The following AKT3 variants were observed in gnomAD, a reference collection of about 807,000 sequenced individuals.
AKT3 encodes AKT serine/threonine kinase 3.
A neutral mutation model predicts 65.3 loss-of-function variants in AKT3; 15 were observed. That is an observed-to-expected ratio of 0.23 (90% CI 0.15 to 0.35). AKT3 has a LOEUF of 0.35. Ranked by LOEUF, AKT3 falls within the 10% of genes least tolerant of loss-of-function variation. The probability of loss-of-function intolerance (pLI) is 1.00; values close to 1 mark genes in which losing one functional copy is unlikely to be tolerated. For synonymous variants in AKT3, 206 were observed against 183.8 expected (o/e 1.12, Z -0.98); for missense variants, 243 against 576.5 (o/e 0.42, Z 5.92).
intron 12 of AKT3, among the ~76,000 whole-genome samples, chr1:243,533,643 G>A (rs1216621620): frequency 2.0e-5 from 3 of 152,178 alleles, no homozygotes; most frequent in Non-Finnish European, 2.9e-5. Flanking sequence ...AGAGAAGGCA[G>A]AATAAAAATG....
chr1:243,506,112 C>T (rs928556264), intron 13 of AKT3, among the ~76,000 whole-genome samples: 10 of 152,236 alleles, frequency 6.6e-5, no homozygotes, highest in Non-Finnish European at 1.2e-4. Context: ...TATGTGGCCA[C>T]GTGGTCAGCC....
intron 13 of AKT3, among the ~76,000 whole-genome samples, chr1:243,508,768 C>T (rs898358844): frequency 9.3e-5 from 14 of 149,948 alleles, no homozygotes; most frequent in Admixed American, 1.3e-4. Flanking sequence ...CGGGTTCAAG[C>T]GATCCTCCTG....
intron 8 of AKT3, among the ~76,000 whole-genome samples, chr1:243,611,127 C>T (rs896585792): frequency 2.6e-5 from 4 of 152,084 alleles, no homozygotes; most frequent in Non-Finnish European, 5.9e-5. Context: ...TCATTTCCAC[C>T]CCCATAACTT....
chr1:243,792,918 C>T (rs1184916524), intron 2 of AKT3, among the ~76,000 whole-genome samples: 1 of 152,154 alleles, frequency 6.6e-6, no homozygotes, highest in Non-Finnish European at 1.5e-5. Context: ...CTCAACACCC[C>T]GTATAAACCC....
Position 243,504,374 on chromosome 1 carries a change from C to A in AKT3, c.*875G>T. On this transcript the variant is annotated 3_prime_UTR_variant, in exon 14 of 14. Coordinates refer to ENST00000673466, the MANE Select transcript of AKT3 (RefSeq NM_005465.7). ...TTGGTGTAGAAATTTTGGTGAAAAG[C>A]AGTATCATTATACCTGTCTACATTC... 5.0e-6 allele frequency: 1 copy of A among 198,466 alleles called. No homozygotes were observed. The highest frequency in any genetic ancestry group is 1.9e-4 in the South Asian group (1 of 5,206). The allele number at this position is 198,466 out of a possible 1,614,324, so 12.3% of individuals were successfully genotyped here.
intron 1 of AKT3, among the ~76,000 whole-genome samples, chr1:243,844,087 A>C (rs538456394): frequency 6.6e-6 from 1 of 152,254 alleles, no homozygotes; most frequent in Admixed American, 6.5e-5. Context: ...TATAAAGTAA[A>C]GTGAAACAAA....
At chr1:243,589,082 T>G (rs1676014536) in intron 8 of AKT3, among the ~76,000 whole-genome samples, 1 of 151,690 alleles carries the variant, frequency 6.6e-6, no homozygotes. Flanking sequence ...CTGAGGAGGA[T>G]GGATCATGAG....
At chr1:243,646,630 C>G (rs1572093519) in intron 4 of AKT3, among the ~76,000 whole-genome samples, 1 of 152,142 alleles carries the variant, frequency 6.6e-6, no homozygotes, top group East Asian at 1.9e-4. Context: ...GCTGGGATTA[C>G]AGCCATGAAC....
chr1:243,528,371 GGAAAA>G (rs755360590), intron 12 of AKT3, among the ~76,000 whole-genome samples: 13 of 152,006 alleles, frequency 8.6e-5, no homozygotes, highest in Non-Finnish European at 1.8e-4. Context: ...TTGTTATATA[GGAAAA>G]CTGCATATCA....
At chr1:243,672,400 G>A (rs996220991) in intron 3 of AKT3, among the ~76,000 whole-genome samples, 2 of 152,128 alleles carry the variant, frequency 1.3e-5, no homozygotes, top group South Asian at 2.1e-4. Context: ...ATCCAGCTCC[G>A]CATTGCTAGT....
chr1:243,581,377 C>T (rs1016038091), intron 8 of AKT3, among the ~76,000 whole-genome samples: 1 of 152,192 alleles, frequency 6.6e-6, no homozygotes, highest in Non-Finnish European at 1.5e-5. Context: ...ATGTTGGCTG[C>T]AGTTAGCTCT....
At chr1:243,716,742 A>C (rs1686535520) in intron 2 of AKT3, among the ~76,000 whole-genome samples, 1 of 152,358 alleles carries the variant, frequency 6.6e-6, no homozygotes, top group Admixed American at 6.5e-5. Flanking sequence ...AAGAACGAAA[A>C]GAGGAGAGGT....
chr1:243,676,824 A>T (rs2147960888), intron 3 of AKT3, among the ~76,000 whole-genome samples: 1 of 152,240 alleles, frequency 6.6e-6, no homozygotes, highest in Non-Finnish European at 1.5e-5. Context: ...CAACCCGGGA[A>T]CTTACTATCA....
intron 12 of AKT3, among the ~76,000 whole-genome samples, chr1:243,541,033 C>A (rs1366925488): frequency 2.0e-5 from 3 of 152,168 alleles, no homozygotes; most frequent in Non-Finnish European, 4.4e-5. Context: ...GATCTCTCCA[C>A]TGTAAAGTTA....
chr1:243,702,626 C>T (rs535683876), intron 2 of AKT3, among the ~76,000 whole-genome samples: 1 of 152,222 alleles, frequency 6.6e-6, no homozygotes, highest in East Asian at 1.9e-4. Context: ...AAATGTTCTA[C>T]TAATCAGTAC....
At chr1:243,850,004 G>A (rs1695697790) in intron 1 of AKT3, 36 bp downstream of exon 1, 3 of 983,710 alleles carry the variant, frequency 3.0e-6, no homozygotes, top group Admixed American at 6.1e-5. Flanking sequence ...GAGGCCAGGC[G>A]GGGAGGGGGC....
chr1:243,496,365 A>G (rs960618116), downstream of AKT3, among the ~76,000 whole-genome samples: 1 of 152,196 alleles, frequency 6.6e-6, no homozygotes, highest in Non-Finnish European at 1.5e-5. Context: ...CAAGCGAGGC[A>G]GGGGCTGCCC....
At chr1:243,715,621 C>T (rs545736561) in intron 2 of AKT3, among the ~76,000 whole-genome samples, 31 of 152,108 alleles carry the variant, frequency 2.0e-4, no homozygotes, top group African/African-American at 7.2e-4. Flanking sequence ...GGAGAGAGAT[C>T]ATTCTTTTTC....
chr1:243,649,329 GTGTGTGT>G (rs1681098119), intron 4 of AKT3, among the ~76,000 whole-genome samples: 2 of 149,476 alleles, frequency 1.3e-5, no homozygotes, highest in Non-Finnish European at 3.0e-5. Context: ...GTGTGTGTGT[GTGTGTGT>G]GTGTGTGTGT....
Sources: allele counts gnomAD v4.1 joint callset (sites outside exome capture counted in the v4.1 genomes callset), GRCh38; gene constraint gnomAD v4.1.1; transcripts MANE v1.5; gene names NCBI Gene and HGNC (gene_info 2026-07-23, HGNC 2026-07-21).